The following RUNDC3B variants were observed in gnomAD, a reference collection of about 807,000 sequenced individuals.
RUNDC3B encodes RUN domain-containing protein 3B.
In RUNDC3B, 33 loss-of-function variants were observed where a neutral mutation model predicts 58.4. The ratio of observed to expected loss-of-function variants is 0.56; its 90% CI spans 0.43 to 0.75. The LOEUF (loss-of-function observed/expected upper bound fraction) is 0.75. RUNDC3B is among the 30% of genes least tolerant of loss of function. The pLI, the probability that RUNDC3B is intolerant of heterozygous loss-of-function variation, is 0.00. For missense variants in RUNDC3B, 501 were observed against 535.7 expected (o/e 0.94, Z 0.64); for synonymous variants, 193 against 195.2 (o/e 0.99, Z 0.10).
At chr7:87,643,849 A>G (rs945743527) in intron 1 of RUNDC3B, among the ~76,000 whole-genome samples, 3 of 151,642 alleles carry the variant, frequency 2.0e-5, no homozygotes, top group Non-Finnish European at 4.4e-5. Context: ...GTTGCATAAT[A>G]TTTGAAGAAA....
rs753013254 is a variant in RUNDC3B at position 87,739,890 on chromosome 7, CA to C, written c.548+13del. 3 of 1,350,104 alleles carry C rather than the reference CA, an allele frequency of 2.2e-6. No homozygotes were observed. Among genetic ancestry groups the C allele is most frequent in the Non-Finnish European group, 3.1e-6 (3 of 960,518 alleles). 83.6% of individuals were successfully genotyped at this position (1,350,104 alleles called of 1,614,324 possible). A position where few individuals can be genotyped will look rare whatever the true frequency, so the allele number is the denominator to read the frequency against. ...ATGCTATTGATTTCAGGTACTTAAC[CA>C]AATGCATTCAGTTTTTAAATTATTC... On this transcript the variant is annotated intron_variant, in intron 5 of 10. Transcript: ENST00000394654.
At chr7:87,765,158 G>T (rs1201459932) in intron 6 of RUNDC3B, among the ~76,000 whole-genome samples, 1 of 151,824 alleles carries the variant, frequency 6.6e-6, no homozygotes, top group Non-Finnish European at 1.5e-5. Context: ...CGTTATTTCT[G>T]ATTGTGCTTA....
At chr7:87,728,581 G>C (rs1259459303) in intron 4 of RUNDC3B, among the ~76,000 whole-genome samples, 1 of 152,104 alleles carries the variant, frequency 6.6e-6, no homozygotes, top group Non-Finnish European at 1.5e-5. Flanking sequence ...TTCAACCTCT[G>C]CCTCTTTTGT....
intron 4 of RUNDC3B, among the ~76,000 whole-genome samples, chr7:87,726,866 A>G (rs1008997780): frequency 1.4e-4 from 21 of 152,030 alleles, no homozygotes; most frequent in Non-Finnish European, 3.1e-4. Context: ...ATGGGAGTTC[A>G]CTCATGATTT....
intron 8 of RUNDC3B, among the ~76,000 whole-genome samples, chr7:87,803,655 A>G (rs1466824753): frequency 6.6e-6 from 1 of 152,156 alleles, no homozygotes; most frequent in Non-Finnish European, 1.5e-5. Context: ...CATGAAAACT[A>G]CAACAATCAC....
chr7:87,628,656 C>T lies in RUNDC3B; in HGVS notation c.-168C>T. 2.6e-6 allele frequency: 1 copy of T among 389,648 alleles called. No homozygotes were observed. Among genetic ancestry groups the T allele is most frequent in the Non-Finnish European group, 4.4e-6 (1 of 225,150 alleles). 24.1% of individuals were successfully genotyped at this position (389,648 alleles called of 1,614,324 possible). Reference sequence around the variant, plus strand: ...CGGGTGCCAAGGGCGAGCCGTCAGTCCCCGGGTGCGAGTCCCTGCTGTCTT... The same window carrying T: ...CGGGTGCCAAGGGCGAGCCGTCAGTTCCCGGGTGCGAGTCCCTGCTGTCTT... On this transcript the variant is annotated 5_prime_UTR_variant, in exon 1 of 11. Transcript: ENST00000394654.
At chr7:87,640,209 T>TA (rs1227129881) in intron 1 of RUNDC3B, among the ~76,000 whole-genome samples, 1 of 149,548 alleles carries the variant, frequency 6.7e-6, no homozygotes, top group African/African-American at 2.4e-5. Context: ...TATATATATA[T>TA]TAAATCTTAC....
intron 8 of RUNDC3B, among the ~76,000 whole-genome samples, chr7:87,794,604 C>T (rs189581249): frequency 4.7e-5 from 7 of 149,256 alleles, no homozygotes; most frequent in Admixed American, 2.7e-4. Context: ...GTCAAAATAC[C>T]AATGAGAGTC....
chr7:87,683,607 A>G (rs903614115), intron 2 of RUNDC3B, among the ~76,000 whole-genome samples: 4 of 152,176 alleles, frequency 2.6e-5, no homozygotes, highest in African/African-American at 7.2e-5. Flanking sequence ...ACATTTATCA[A>G]TTAAGCTTGC....
chr7:87,635,262 C>A (rs1418542928), intron 1 of RUNDC3B, among the ~76,000 whole-genome samples: 2 of 152,144 alleles, frequency 1.3e-5, no homozygotes, highest in African/African-American at 4.8e-5. Context: ...TGCTTTTACC[C>A]AGTTGTATAT....
At chr7:87,654,341 G>A (rs1332032439) in intron 2 of RUNDC3B, among the ~76,000 whole-genome samples, 1 of 151,776 alleles carries the variant, frequency 6.6e-6, no homozygotes, top group Non-Finnish European at 1.5e-5. Flanking sequence ...ATACTGCAAA[G>A]CTATATTAGT....
Position 87,746,317 on chromosome 7 carries a change from A to G in RUNDC3B, c.629+4738A>G, listed in dbSNP as rs117126156. Among the ~76,000 whole-genome samples the G allele has an allele frequency of 2.8e-3, 431 of 152,248 alleles. 7 individuals are homozygous for G. The East Asian group carries it at 0.049, about 17-fold the overall frequency. On this transcript the variant is annotated intron_variant, in intron 6 of 10. Coordinates refer to ENST00000394654, the MANE Select transcript of RUNDC3B (RefSeq NM_001134405.2). Reference sequence around the variant, plus strand: ...TGTTCTGTATATATTTGTTAAGCCCATTTGCTCCAAGGTATAGTTTAAATC... The same window carrying G: ...TGTTCTGTATATATTTGTTAAGCCCGTTTGCTCCAAGGTATAGTTTAAATC...
At chr7:87,770,851 T>A (rs1834238502) in intron 7 of RUNDC3B, 102 bp downstream of exon 7, 2 of 737,042 alleles carry the variant, frequency 2.7e-6, no homozygotes, top group Non-Finnish European at 4.3e-6. Flanking sequence ...ATTTATCCAT[T>A]GCTGCTTCTC....
At chr7:87,655,002 A>C (rs1417842868) in intron 2 of RUNDC3B, among the ~76,000 whole-genome samples, 1 of 152,100 alleles carries the variant, frequency 6.6e-6, no homozygotes, top group Non-Finnish European at 1.5e-5. Flanking sequence ...TCCCCTCGTT[A>C]GAATGCATAT....
In RUNDC3B at chr7:87,648,184, C is replaced by CAA. The variant is rs138383809; in HGVS notation, c.123-2622_123-2621dup. Among the ~76,000 whole-genome samples, 103 of 65,426 alleles carry CAA rather than the reference C, an allele frequency of 1.6e-3. No homozygotes were observed. The East Asian group carries it at 0.017, about 11-fold the overall frequency. The allele number at this position is 65,426 out of a possible 152,430, so 42.9% of individuals were successfully genotyped here. ...TGGGTGACAGAGCGAGACTCTGTCTCAAAAAAAAAAAAAAAAAGAAAGAAA... is the reference window on the plus strand; with the variant it reads ...TGGGTGACAGAGCGAGACTCTGTCTCAAAAAAAAAAAAAAAAAAAGAAAGAAA... On this transcript the variant is annotated intron_variant, in intron 1 of 10. Coordinates refer to ENST00000394654, the MANE Select transcript of RUNDC3B (RefSeq NM_001134405.2).
chr7:87,672,582 A>G (rs560949333), intron 2 of RUNDC3B, among the ~76,000 whole-genome samples: 1 of 152,288 alleles, frequency 6.6e-6, no homozygotes, highest in East Asian at 1.9e-4. Context: ...CCAGAGCTGC[A>G]ACTTCTTTTG....
rs146127516 is a variant in RUNDC3B, at chr7:87,702,142, C to CAAAAAA, written c.372+1613_372+1618dup. ...TGGGCAAAAGAGCGAGACTCTGTCT[C>CAAAAAA]AAAAAAAAAAAAAAAAAAAAAAAAA... is the stretch of plus-strand genomic sequence containing the variant. On this transcript the variant is annotated intron_variant, in intron 3 of 10. Transcript: ENST00000394654. 8.6e-3 allele frequency among the ~76,000 whole-genome samples: 144 copies of CAAAAAA among 16,772 alleles called. 28 individuals carry two copies. The highest frequency in any genetic ancestry group is 0.021 in the African/African-American group (123 of 5,726). The allele number at this position is 16,772 out of a possible 152,430, so 11.0% of individuals were successfully genotyped here.
At chr7:87,764,406 G>A (rs1488251994) in intron 6 of RUNDC3B, among the ~76,000 whole-genome samples, 2 of 151,732 alleles carry the variant, frequency 1.3e-5, no homozygotes, top group African/African-American at 2.4e-5. Context: ...ATTCTTGAAT[G>A]AGCTCTTTTG....
chr7:87,744,249 G>A (rs1307985024), intron 6 of RUNDC3B, among the ~76,000 whole-genome samples: 1 of 152,106 alleles, frequency 6.6e-6, no homozygotes, highest in Non-Finnish European at 1.5e-5. Context: ...ATAGGGTGAT[G>A]TCTCCAAATT....
Sources: gnomAD v4.1 joint callset for allele counts (sites outside exome capture counted in the v4.1 genomes callset) on GRCh38, gnomAD v4.1.1 for gene constraint, MANE v1.5 for transcripts, NCBI Gene and HGNC (gene_info 2026-07-23, HGNC 2026-07-21) for gene names.